Variants in LNX1 observed in about 807,000 individuals in gnomAD.
LNX1 encodes E3 ubiquitin-protein ligase LNX.
LNX1 carries 54 observed loss-of-function variants against 68.4 expected under a neutral mutation model. The ratio of observed to expected loss-of-function variants is 0.79; its 90% CI spans 0.63 to 0.99. The LOEUF is 0.99. Ranked by LOEUF, LNX1 falls within the 50% of genes least tolerant of loss-of-function variation. The probability of loss-of-function intolerance (pLI) is 0.00; values close to 1 mark genes in which losing one functional copy is unlikely to be tolerated. For synonymous variants in LNX1, 336 were observed against 350.0 expected (o/e 0.96, Z 0.45); for missense variants, 906 against 926.4 (o/e 0.98, Z 0.29).
At chr4:53,530,525 AAC>A (rs1164058339) in intron 2 of LNX1, among the ~76,000 whole-genome samples, 5 of 152,218 alleles carry the variant, frequency 3.3e-5, no homozygotes, top group African/African-American at 7.2e-5. Context: ...TCTTCAGTGA[AAC>A]ACTTCATAAA....
At chr4:53,609,834 T>A (rs548878540) in intron 2 of LNX1, among the ~76,000 whole-genome samples, 2 of 147,290 alleles carry the variant, frequency 1.4e-5, no homozygotes, top group South Asian at 2.1e-4. Flanking sequence ...TTCTACATAA[T>A]GCTATATAAA....
Position 53,556,852 on chromosome 4 carries a change from T to C in LNX1, c.380+16771A>G, listed in dbSNP as rs187993300. Among the ~76,000 whole-genome samples the C allele has an allele frequency of 7.2e-5, 11 of 152,346 alleles. No individual in the cohort carries two copies. The East Asian group carries it at 1.9e-3, about 27-fold the overall frequency. On this transcript the variant is annotated intron_variant, in intron 2 of 10. Coordinates refer to ENST00000263925, the MANE Select transcript of LNX1 (RefSeq NM_001126328.3). ...ACTACATAGTCATGGGTGGTAGCACTATCTAATGTGACCAGACAAGCTTTT... is the reference window on the plus strand; with the variant it reads ...ACTACATAGTCATGGGTGGTAGCACCATCTAATGTGACCAGACAAGCTTTT...
chr4:53,588,103 C>A (rs1560683320), intron 1 of LNX1, among the ~76,000 whole-genome samples: 1 of 152,206 alleles, frequency 6.6e-6, no homozygotes, highest in Non-Finnish European at 1.5e-5. Flanking sequence ...TTAACACTCA[C>A]TGAACATTTA....
intron 4 of LNX1, among the ~76,000 whole-genome samples, chr4:53,499,550 A>G (rs530937994): frequency 3.9e-4 from 59 of 152,362 alleles, no homozygotes; most frequent in South Asian, 1.0e-3. Flanking sequence ...ATATCTCTGC[A>G]TGCAGAGGCC....
chr4:53,576,000 C>T, intron 1 of LNX1: 2 of 1,563,406 alleles, frequency 1.3e-6, no homozygotes, highest in Non-Finnish European at 8.6e-7. Context: ...TCCAGCAGGC[C>T]CTCCATCTTC....
chr4:53,578,101 A>G (rs1731612747), intron 1 of LNX1, among the ~76,000 whole-genome samples: 1 of 152,172 alleles, frequency 6.6e-6, no homozygotes, highest in South Asian at 2.1e-4. Context: ...TCTGACTCCA[A>G]GTTTCTGCTC....
intron 6 of LNX1, among the ~76,000 whole-genome samples, chr4:53,495,548 CTT>C (rs199684639): frequency 8.4e-6 from 1 of 119,368 alleles, no homozygotes. Flanking sequence ...CATGGCATAG[CTT>C]TTTTTTTTTT....
At chr4:53,566,133 A>G (rs1169099315) in intron 2 of LNX1, among the ~76,000 whole-genome samples, 1 of 152,050 alleles carries the variant, frequency 6.6e-6, no homozygotes, top group African/African-American at 2.4e-5. Context: ...GTTCAGATTC[A>G]GGAAATACAG....
chr4:53,612,625 G>A (rs1448579389), intron 2 of LNX1, among the ~76,000 whole-genome samples: 1 of 152,032 alleles, frequency 6.6e-6, no homozygotes, highest in Non-Finnish European at 1.5e-5. Flanking sequence ...TTCAAAACTG[G>A]CCTGGGCAAT....
intron 9 of LNX1, among the ~76,000 whole-genome samples, chr4:53,469,114 AAAG>A (rs1412529860): frequency 5.9e-5 from 9 of 152,280 alleles, no homozygotes; most frequent in Admixed American, 1.3e-4. Context: ...AGCAAATGTA[AAAG>A]AACAGAAATT....
intron 2 of LNX1, among the ~76,000 whole-genome samples, chr4:53,612,127 A>T (rs1057451735): frequency 2.0e-5 from 3 of 152,210 alleles, no homozygotes; most frequent in Non-Finnish European, 2.9e-5. Flanking sequence ...GAAACTCGGA[A>T]ATATCCTCAA....
intron 1 of LNX1, among the ~76,000 whole-genome samples, chr4:53,628,180 T>C (rs558200908): frequency 6.6e-6 from 1 of 152,224 alleles, no homozygotes; most frequent in African/African-American, 2.4e-5. Flanking sequence ...AAGACTCTTC[T>C]TGAAAATAAT....
chr4:53,562,038 G>A (rs539012622), intron 2 of LNX1, among the ~76,000 whole-genome samples: 1 of 152,202 alleles, frequency 6.6e-6, no homozygotes, highest in African/African-American at 2.4e-5. Flanking sequence ...CATTTCCTTA[G>A]AGGCAGAAAT....
chr4:53,651,973 C>T (rs1735114708), intron 1 of LNX1, among the ~76,000 whole-genome samples: 1 of 149,672 alleles, frequency 6.7e-6, no homozygotes. Flanking sequence ...AAAAAGATAC[C>T]TAGATATTTC....
intron 2 of LNX1, among the ~76,000 whole-genome samples, chr4:53,529,715 G>C (rs1464591531): frequency 2.0e-5 from 3 of 152,194 alleles, no homozygotes; most frequent in Non-Finnish European, 4.4e-5. Context: ...TAGTAGGACA[G>C]AGCCACATTG....
intron 6 of LNX1, among the ~76,000 whole-genome samples, chr4:53,482,490 T>C (rs1446609596): frequency 6.6e-6 from 1 of 152,078 alleles, no homozygotes; most frequent in East Asian, 1.9e-4. Flanking sequence ...ATAAAGAAAA[T>C]GTGGTATGTA....
At chr4:53,620,937 C>T (rs1185579452), upstream of LNX1, among the ~76,000 whole-genome samples, 5 of 152,080 alleles carry the variant, frequency 3.3e-5, no homozygotes, top group Middle Eastern at 3.2e-3. Flanking sequence ...AAGCCAATAT[C>T]GGTTTAAAGA....
chr4:53,487,871 G>A (rs1194197383), intron 6 of LNX1, among the ~76,000 whole-genome samples: 1 of 152,186 alleles, frequency 6.6e-6, no homozygotes, highest in Non-Finnish European at 1.5e-5. Flanking sequence ...CTCAAAATGA[G>A]ACAGTTTGGC....
intron 4 of LNX1, 27 bp downstream of exon 4, chr4:53,507,290 A>C: frequency 6.2e-7 from 1 of 1,607,734 alleles, no homozygotes; most frequent in South Asian, 1.1e-5. Context: ...GCCCATGTCC[A>C]TCCAGCCTTA....
Sources: allele counts gnomAD v4.1 joint callset (sites outside exome capture counted in the v4.1 genomes callset), GRCh38; gene constraint gnomAD v4.1.1; transcripts MANE v1.5; gene names NCBI Gene and HGNC (gene_info 2026-07-23, HGNC 2026-07-21).